The following COL21A1 variants were observed in gnomAD, a reference collection of about 807,000 sequenced individuals.
COL21A1 encodes collagen type XXI alpha 1 chain.
Under a neutral mutation model 137.9 loss-of-function variants are expected in COL21A1, and 149 were observed. That is an observed-to-expected ratio of 1.08 (90% CI 0.95 to 1.24). The LOEUF is 1.24. Ranked by LOEUF, COL21A1 falls within the 50% of genes most tolerant of loss-of-function variation. The pLI is 0.00. For missense variants in COL21A1, 1,167 were observed against 1,158.4 expected, an observed-to-expected ratio of 1.01 and a Z score of -0.11; for synonymous variants, 456 against 391.5, an observed-to-expected ratio of 1.16 and a Z score of -1.95.
chr6:56,376,363 A>C (rs1313921914), intron 1 of COL21A1, among the ~76,000 whole-genome samples: 2 of 152,198 alleles, frequency 1.3e-5, no homozygotes, highest in African/African-American at 4.8e-5. Flanking sequence ...CAGGATGAGA[A>C]GACATGCTTT....
At chr6:56,090,634 A>G (rs538888497) in intron 17 of COL21A1, among the ~76,000 whole-genome samples, 2 of 152,306 alleles carry the variant, frequency 1.3e-5, no homozygotes, top group Non-Finnish European at 2.9e-5. Flanking sequence ...AAAATGCATT[A>G]TAAGAGTTAT....
chr6:56,374,789 G>T (rs574141755), intron 1 of COL21A1, among the ~76,000 whole-genome samples: 1 of 147,734 alleles, frequency 6.8e-6, no homozygotes, highest in African/African-American at 2.5e-5. Context: ...TTGTAAAAAA[G>T]ACATTCAGTA....
chr6:56,352,449 T>C (rs1181309856), intron 1 of COL21A1, among the ~76,000 whole-genome samples: 3 of 151,144 alleles, frequency 2.0e-5, no homozygotes, highest in Non-Finnish European at 1.5e-5. Flanking sequence ...TGTCAGAAAA[T>C]GGAGATCGGC....
At chr6:56,245,991 A>G (rs941377455) in intron 1 of COL21A1, among the ~76,000 whole-genome samples, 4 of 152,222 alleles carry the variant, frequency 2.6e-5, no homozygotes, top group African/African-American at 9.7e-5. Context: ...ATCCAGTGTC[A>G]GATTTCTAAT....
At chr6:56,343,899 C>T (rs1347861698) in intron 1 of COL21A1, among the ~76,000 whole-genome samples, 2 of 152,126 alleles carry the variant, frequency 1.3e-5, no homozygotes, top group Admixed American at 1.3e-4. Context: ...TGAGCCATAA[C>T]TGTACGACTG....
At chr6:56,276,815 TG>T in intron 1 of COL21A1, 5 of 893,030 alleles carry the variant, frequency 5.6e-6, no homozygotes, top group South Asian at 3.0e-5. Context: ...TTGTTTTTTT[TG>T]TTTTTTTTTT....
intron 1 of COL21A1, among the ~76,000 whole-genome samples, chr6:56,288,433 C>A (rs912364021): frequency 6.6e-6 from 1 of 151,576 alleles, no homozygotes; most frequent in Admixed American, 6.6e-5. Flanking sequence ...AGTACAAGTA[C>A]TTTTACTGTA....
At position 56,306,091 on chromosome 6, in the gene COL21A1, A is replaced by G. The variant is rs376203435; in HGVS notation, c.-39+87880T>C. 1.0e-2 allele frequency among the ~76,000 whole-genome samples: 715 copies of G among 71,814 alleles called. 4 individuals carry two copies. The highest frequency in any genetic ancestry group is 0.047 in the Middle Eastern group (7 of 150). 47.1% of individuals were successfully genotyped at this position (71,814 alleles called of 152,430 possible). ...TCTTCTGGCTTGTAGAGTTTCTGCCAAGAGATCAGCTGTTAGTCTGATGGG... is the reference window on the plus strand; with the variant it reads ...TCTTCTGGCTTGTAGAGTTTCTGCCGAGAGATCAGCTGTTAGTCTGATGGG... On this transcript the variant is annotated intron_variant, in intron 1 of 28. Coordinates refer to the COL21A1 transcript ENST00000370819.
At chr6:56,306,175 A>G (rs957517884) in intron 1 of COL21A1, among the ~76,000 whole-genome samples, 2 of 135,538 alleles carry the variant, frequency 1.5e-5, no homozygotes, top group African/African-American at 5.2e-5. Flanking sequence ...TTTTTCCTTC[A>G]TTTCAACTTT....
intron 1 of COL21A1, among the ~76,000 whole-genome samples, chr6:56,291,637 G>A (rs1030092076): frequency 6.6e-6 from 1 of 152,230 alleles, no homozygotes; most frequent in African/African-American, 2.4e-5. Flanking sequence ...GGCAATAGCT[G>A]TAACTGGCAC....
chr6:56,152,927 G>T lies in COL21A1; in HGVS notation c.1434+3960C>A, dbSNP rs78188010. Among the ~76,000 whole-genome samples the T allele has an allele frequency of 8.7e-3, 1,327 of 152,244 alleles. 20 individuals carry two copies. The highest frequency in any genetic ancestry group is 0.029 in the African/African-American group (1,188 of 41,530). ...AGAAAAAGTAGGTCCCAGGAAAGGG[G>T]TCTGCAGGCTAAGGAGGCTCACATT... On this transcript the variant is annotated intron_variant, in intron 10 of 29. Coordinates refer to ENST00000244728, the MANE Select transcript of COL21A1 (RefSeq NM_030820.4).
intron 10 of COL21A1, among the ~76,000 whole-genome samples, chr6:56,154,455 T>C (rs1163075398): frequency 6.6e-6 from 1 of 152,216 alleles, no homozygotes; most frequent in African/African-American, 2.4e-5. Context: ...GCTCAAGCTA[T>C]ACTCCTTTGA....
chr6:56,189,462 G>T (rs762058486), intron 1 of COL21A1, among the ~76,000 whole-genome samples: 82 of 151,968 alleles, frequency 5.4e-4, no homozygotes, highest in Non-Finnish European at 1.0e-3. Flanking sequence ...AGAAATATGG[G>T]AATATGTGAA....
chr6:56,394,109 A>C (rs1289961018), upstream of COL21A1: 1 of 152,334 alleles, frequency 6.6e-6, no homozygotes, highest in African/African-American at 2.4e-5. Flanking sequence ...TGTGAGTGGG[A>C]AGTGTGCTGC....
At chr6:56,097,432 T>G (rs1446466327) in intron 17 of COL21A1, among the ~76,000 whole-genome samples, 8 of 151,838 alleles carry the variant, frequency 5.3e-5, no homozygotes, top group African/African-American at 1.7e-4. Context: ...ACCATCTATC[T>G]CCCCAACTAG....
intron 17 of COL21A1, among the ~76,000 whole-genome samples, chr6:56,100,257 T>C (rs12212143): frequency 0.15 from 23,130 of 152,214 alleles, 1,787 homozygotes; most frequent in Middle Eastern, 0.22. Flanking sequence ...TTCCCAGTCA[T>C]CCTTTCATGA....
chr6:56,327,265 A>G (rs1190109076), intron 1 of COL21A1, among the ~76,000 whole-genome samples: 1 of 151,966 alleles, frequency 6.6e-6, no homozygotes, highest in African/African-American at 2.4e-5. Context: ...ATTAAATAAA[A>G]TATTTAAAAT....
At chr6:56,304,007 T>C (rs1764370443) in intron 1 of COL21A1, among the ~76,000 whole-genome samples, 1 of 152,208 alleles carries the variant, frequency 6.6e-6, no homozygotes, top group South Asian at 2.1e-4. Flanking sequence ...TTTTTGTCGT[T>C]GGTTCTGTTT....
At chr6:56,117,483 T>C (rs914392711) in intron 16 of COL21A1, among the ~76,000 whole-genome samples, 1 of 152,002 alleles carries the variant, frequency 6.6e-6, no homozygotes, top group Admixed American at 6.6e-5. Context: ...AATACAATAA[T>C]AGCTGGAGAC....
Sources: gnomAD v4.1 joint callset for allele counts (sites outside exome capture counted in the v4.1 genomes callset) on GRCh38, gnomAD v4.1.1 for gene constraint, MANE v1.5 for transcripts, NCBI Gene and HGNC (gene_info 2026-07-23, HGNC 2026-07-21) for gene names.